The following CLDN10 variants were observed in gnomAD, a reference collection of about 807,000 sequenced individuals.
CLDN10 encodes claudin-10.
A neutral mutation model predicts 22.9 loss-of-function variants in CLDN10; 15 were observed. The observed-to-expected ratio is 0.65, with a 90% CI of 0.44 to 1.01. CLDN10 has a LOEUF of 1.01. Ranked by LOEUF, CLDN10 falls within the 50% of genes least tolerant of loss-of-function variation. The probability of loss-of-function intolerance (pLI) is 0.00; values close to 1 mark genes in which losing one functional copy is unlikely to be tolerated. For missense variants in CLDN10, 247 were observed against 287.8 expected (o/e 0.86, Z 1.03); for synonymous variants, 114 against 111.4 (o/e 1.02, Z -0.15).
intron 1 of CLDN10, among the ~76,000 whole-genome samples, chr13:95,480,236 T>C (rs9590282): frequency 0.23 from 35,466 of 152,158 alleles, 4,780 homozygotes; most frequent in Non-Finnish European, 0.31. Flanking sequence ...CCACGACACA[T>C]GGGAATTGTA....
intron 1 of CLDN10, among the ~76,000 whole-genome samples, chr13:95,554,373 C>A (rs563342985): frequency 6.6e-6 from 1 of 151,812 alleles, no homozygotes; most frequent in East Asian, 1.9e-4. Flanking sequence ...GGTACGCTTC[C>A]TTCTGTAGGA....
At chr13:95,434,538 C>CATGTGTGTATATATATATATGCACACAT (rs55732645) in intron 1 of CLDN10, among the ~76,000 whole-genome samples, 1 of 149,186 alleles carries the variant, frequency 6.7e-6, no homozygotes, top group African/African-American at 2.5e-5. Context: ...TATATGCACA[C>CATGTGTGTATATATATATATGCACACAT]GTGTGTATAT....
chr13:95,449,359 C>A (rs2042411250), intron 1 of CLDN10, among the ~76,000 whole-genome samples: 1 of 152,004 alleles, frequency 6.6e-6, no homozygotes, highest in African/African-American at 2.4e-5. Flanking sequence ...TCAAGTGATT[C>A]TTCTGCCTCA....
At chr13:95,564,649 A>G (rs9302082) in intron 3 of CLDN10, among the ~76,000 whole-genome samples, 33,577 of 152,150 alleles carry the variant, frequency 0.22, 4,019 homozygotes, top group Admixed American at 0.33. Context: ...ACAACTCTAC[A>G]TAAGGCACAT....
At chr13:95,446,890 C>G (rs1048572764) in intron 1 of CLDN10, among the ~76,000 whole-genome samples, 1 of 151,998 alleles carries the variant, frequency 6.6e-6, no homozygotes, top group African/African-American at 2.4e-5. Flanking sequence ...CATAGCTCTC[C>G]ATCTCTAATT....
chr13:95,527,649 T>A (rs1484428263), intron 1 of CLDN10, among the ~76,000 whole-genome samples: 1 of 152,046 alleles, frequency 6.6e-6, no homozygotes, highest in Non-Finnish European at 1.5e-5. Flanking sequence ...GGCAGGAGAA[T>A]CACTTGAATC....
At chr13:95,567,088 T>C (rs1003114599) in intron 3 of CLDN10, among the ~76,000 whole-genome samples, 23 of 152,220 alleles carry the variant, frequency 1.5e-4, no homozygotes, top group African/African-American at 5.1e-4. Flanking sequence ...TGCTTAGGAT[T>C]GTCTTGGCTA....
chr13:95,490,237 T>A (rs2042857577), intron 1 of CLDN10, among the ~76,000 whole-genome samples: 1 of 152,214 alleles, frequency 6.6e-6, no homozygotes, highest in Non-Finnish European at 1.5e-5. Flanking sequence ...TAGAATTGTT[T>A]TTTCCAACTC....
intron 1 of CLDN10, among the ~76,000 whole-genome samples, chr13:95,542,253 T>A (rs936022566): frequency 6.6e-6 from 1 of 152,102 alleles, no homozygotes; most frequent in Non-Finnish European, 1.5e-5. Context: ...CCACCTCCAA[T>A]ACCGGGAATT....
At chr13:95,534,812 TTCAATAAACGGTAGCC>T (rs2043383111) in intron 1 of CLDN10, among the ~76,000 whole-genome samples, 3 of 152,108 alleles carry the variant, frequency 2.0e-5, no homozygotes, top group Non-Finnish European at 4.4e-5. Context: ...TCTCCTGGCA[TTCAATAAACGGTAGCC>T]AATCATGGTT....
intron 4 of CLDN10, 60 bp from the exon 5 acceptor site, chr13:95,577,840 C>T (rs2043957332): frequency 9.6e-7 from 1 of 1,041,504 alleles, no homozygotes; most frequent in East Asian, 2.4e-5. Context: ...ACAGTTTCTT[C>T]CCATTTTTGT....
chr13:95,504,585 G>A (rs1450425970), intron 1 of CLDN10, among the ~76,000 whole-genome samples: 2 of 152,090 alleles, frequency 1.3e-5, no homozygotes, highest in African/African-American at 4.8e-5. Context: ...TCACCACGTT[G>A]GTCAGGCTGG....
chr13:95,567,165 A>G (rs1381407761), intron 3 of CLDN10, among the ~76,000 whole-genome samples: 1 of 152,090 alleles, frequency 6.6e-6, no homozygotes, highest in African/African-American at 2.4e-5. Flanking sequence ...AAGAAAGTCA[A>G]TGGTAGCTTG....
chr13:95,516,641 A>G (rs529235814), intron 1 of CLDN10, among the ~76,000 whole-genome samples: 9 of 152,326 alleles, frequency 5.9e-5, no homozygotes, highest in Admixed American at 1.3e-4. Context: ...TTAGGCAAAC[A>G]AAGATTATAC....
In CLDN10 at chr13:95,541,609, T is replaced by C. The variant is rs537721670; in HGVS notation, c.215-18523T>C. On this transcript the variant is annotated intron_variant, in intron 1 of 4. Coordinates refer to the CLDN10 transcript ENST00000376873. ...CATTTTTTATTACTTCCTCTATCACTAGATCTAGGCAGAGCTTTTGAGACT... is the reference window on the plus strand; with the variant it reads ...CATTTTTTATTACTTCCTCTATCACCAGATCTAGGCAGAGCTTTTGAGACT... Among the ~76,000 whole-genome samples the C allele has an allele frequency of 2.0e-5, 3 of 152,274 alleles. No individual in the cohort carries two copies. The South Asian group carries it at 6.2e-4, about 32-fold the overall frequency.
intron 3 of CLDN10, among the ~76,000 whole-genome samples, chr13:95,571,179 AAT>A (rs1161929062): frequency 6.6e-6 from 1 of 152,082 alleles, no homozygotes; most frequent in Non-Finnish European, 1.5e-5. Flanking sequence ...GTAATCAATC[AAT>A]GTTACCTGTT....
intron 1 of CLDN10, among the ~76,000 whole-genome samples, chr13:95,539,521 T>C (rs1014064791): frequency 3.3e-5 from 5 of 152,216 alleles, no homozygotes; most frequent in Admixed American, 6.5e-5. Flanking sequence ...TGAATCTGAC[T>C]TTATAATAAA....
chr13:95,494,087 A>C (rs1364718942), intron 1 of CLDN10, among the ~76,000 whole-genome samples: 1 of 152,212 alleles, frequency 6.6e-6, no homozygotes, highest in Non-Finnish European at 1.5e-5. Context: ...AATAGGAAAT[A>C]AAAAAGGTAG....
chr13:95,471,440 C>CACACATATATATATATATAT lies in CLDN10; in HGVS notation c.214+37394_214+37395insCACATATATATATATATATA, dbSNP rs746573300. On this transcript the variant is annotated intron_variant, in intron 1 of 4. Coordinates refer to the CLDN10 transcript ENST00000376873. The stretch of plus-strand genomic sequence containing the variant: ...ATATACACACACACACACACACACA[C>CACACATATATATATATATAT]ATATATATATATATTTTTTTTTTTT... Among the ~76,000 whole-genome samples the CACACATATATATATATATAT allele has an allele frequency of 4.3e-4, 45 of 104,338 alleles. No homozygotes were observed. The East Asian group carries it at 5.6e-3, about 13-fold the overall frequency. The allele number at this position is 104,338 out of a possible 152,430, so 68.4% of individuals were successfully genotyped here. A position where few individuals can be genotyped will look rare whatever the true frequency, so the allele number is the denominator to read the frequency against.
Sources: allele counts gnomAD v4.1 joint callset (sites outside exome capture counted in the v4.1 genomes callset), GRCh38; gene constraint gnomAD v4.1.1; transcripts MANE v1.5; gene names NCBI Gene and HGNC (gene_info 2026-07-23, HGNC 2026-07-21).